The following ULK4 variants were observed in gnomAD, a reference collection of about 807,000 sequenced individuals.
ULK4 encodes the protein unc-51 like kinase 4.
Under a neutral mutation model 160.6 loss-of-function variants are expected in ULK4, and 133 were observed. The observed-to-expected ratio is 0.83, with a 90% confidence interval of 0.72 to 0.96. ULK4 has a LOEUF of 0.96. Ranked by LOEUF, ULK4 falls within the 40% of genes least tolerant of loss-of-function variation. The probability of loss-of-function intolerance (pLI) is 0.00; values close to 1 mark genes in which losing one functional copy is unlikely to be tolerated. For missense variants in ULK4, 1,580 were observed against 1,499.5 expected, an observed-to-expected ratio of 1.05 and a Z score of -0.89; for synonymous variants, 534 against 539.8, an observed-to-expected ratio of 0.99 and a Z score of 0.15.
intron 27 of ULK4, among the ~76,000 whole-genome samples, chr3:41,686,836 T>C (rs1260372864): frequency 6.6e-6 from 1 of 152,200 alleles, no homozygotes; most frequent in Non-Finnish European, 1.5e-5. Flanking sequence ...AGGAAAAATG[T>C]GTTCTTTTTA....
chr3:41,332,069 A>C (rs999942962), intron 35 of ULK4, among the ~76,000 whole-genome samples: 8 of 152,202 alleles, frequency 5.3e-5, no homozygotes, highest in African/African-American at 1.7e-4. Flanking sequence ...CCATTAATTA[A>C]ATTTAGATCT....
intron 17 of ULK4, among the ~76,000 whole-genome samples, chr3:41,862,483 G>A (rs901353525): frequency 2.6e-5 from 4 of 152,198 alleles, no homozygotes; most frequent in Admixed American, 2.6e-4. Context: ...TCTGGGCACT[G>A]AAGAGTTAGG....
At chr3:41,443,681 TG>T (rs1479648841) in intron 34 of ULK4, among the ~76,000 whole-genome samples, 3 of 152,154 alleles carry the variant, frequency 2.0e-5, no homozygotes, top group Admixed American at 2.0e-4. Flanking sequence ...ATGCAAAGAC[TG>T]TCTCTCTGCT....
intron 25 of ULK4, among the ~76,000 whole-genome samples, chr3:41,714,753 G>A (rs2037206342): frequency 6.6e-6 from 1 of 151,538 alleles, no homozygotes; most frequent in Non-Finnish European, 1.5e-5. Flanking sequence ...TGTGGGGGCT[G>A]GGTCAGGAGA....
At chr3:41,484,115 A>G in intron 32 of ULK4, among the ~76,000 whole-genome samples, 1 of 152,188 alleles carries the variant, frequency 6.6e-6, no homozygotes, top group Non-Finnish European at 1.5e-5. Context: ...TTTACCAAGA[A>G]GTCTTCAGCC....
At chr3:41,935,209 AT>A (rs10524611) in intron 4 of ULK4, among the ~76,000 whole-genome samples, 146 of 135,596 alleles carry the variant, frequency 1.1e-3, no homozygotes, top group African/African-American at 4.2e-3. Flanking sequence ...TTATTTATTT[AT>A]TTTTTTTTTT....
chr3:41,507,045 A>G (rs1464680052), intron 32 of ULK4, among the ~76,000 whole-genome samples: 1 of 150,172 alleles, frequency 6.7e-6, no homozygotes, highest in Admixed American at 6.6e-5. Flanking sequence ...CAGTTCATGT[A>G]CACCTGGTTA....
At chr3:41,474,021 A>G (rs966699159) in intron 32 of ULK4, among the ~76,000 whole-genome samples, 1 of 152,198 alleles carries the variant, frequency 6.6e-6, no homozygotes, top group African/African-American at 2.4e-5. Flanking sequence ...GAACCACAAA[A>G]TAAATTCATA....
chr3:41,618,039 T>A (rs192479479), intron 30 of ULK4, among the ~76,000 whole-genome samples: 2 of 151,966 alleles, frequency 1.3e-5, no homozygotes, highest in East Asian at 3.9e-4. Context: ...GGAAGATCAA[T>A]TTACTGAAAT....
Position 41,463,234 on chromosome 3 carries a change from A to G in ULK4, c.3246T>C (p.Cys1082=), listed in dbSNP as rs771115833. 2.5e-6 allele frequency: 4 copies of G among 1,613,350 alleles called. No homozygotes were observed. The South Asian group carries it at 4.4e-5, about 18-fold the overall frequency. Residue 1082 remains cysteine, a synonymous_variant, in exon 33 of 37, where the codon TGT becomes TGC. Coordinates refer to ENST00000301831, the MANE Select transcript of ULK4 (RefSeq NM_017886.4). ...LYEQGLVSHI[C]NLLTETATLC... ...GTGTGGCAGTTTCAGTGAGCAGGTT[A>G]CAGATGTGACTGACAAGTCCTGAGG...
At chr3:41,700,089 G>C (rs998857116) in intron 27 of ULK4, among the ~76,000 whole-genome samples, 6 of 152,132 alleles carry the variant, frequency 3.9e-5, no homozygotes, top group Admixed American at 3.9e-4. Flanking sequence ...TGACAAACAG[G>C]TTCCTAGTTA....
intron 30 of ULK4, among the ~76,000 whole-genome samples, chr3:41,642,044 T>A (rs1360032795): frequency 6.6e-6 from 1 of 151,858 alleles, no homozygotes; most frequent in Non-Finnish European, 1.5e-5. Flanking sequence ...TCTAGCTAAT[T>A]TTGTATTTCA....
At chr3:41,350,877 G>A (rs1012124552) in intron 35 of ULK4, among the ~76,000 whole-genome samples, 8 of 152,146 alleles carry the variant, frequency 5.3e-5, no homozygotes, top group Non-Finnish European at 1.2e-4. Flanking sequence ...CCAGCACAGG[G>A]AAGTTCACAA....
At chr3:41,847,077 C>T (rs566736175) in intron 17 of ULK4, among the ~76,000 whole-genome samples, 4 of 152,282 alleles carry the variant, frequency 2.6e-5, no homozygotes, top group African/African-American at 9.6e-5. Flanking sequence ...CCATTTTCCA[C>T]ACTACTTCTT....
intron 35 of ULK4, among the ~76,000 whole-genome samples, chr3:41,389,547 T>C (rs529988770): frequency 1.5e-4 from 23 of 152,352 alleles, no homozygotes; most frequent in African/African-American, 5.5e-4. Context: ...ATATGTCCCA[T>C]CAATACCTAA....
intron 5 of ULK4, among the ~76,000 whole-genome samples, chr3:41,922,891 G>A (rs561870881): frequency 6.6e-6 from 1 of 152,258 alleles, no homozygotes; most frequent in South Asian, 2.1e-4. Context: ...CCTGAACCAG[G>A]CCAGGTGCGG....
intron 35 of ULK4, among the ~76,000 whole-genome samples, chr3:41,250,239 T>C (rs746711813): frequency 6.6e-6 from 1 of 152,168 alleles, no homozygotes; most frequent in Non-Finnish European, 1.5e-5. Context: ...AGACCCTCCA[T>C]AAAATGAGTC....
At position 41,808,751 on chromosome 3, in the gene ULK4, C is replaced by T. The variant is rs371821460; in HGVS notation, c.1849-8458G>A. On this transcript the variant is annotated intron_variant, in intron 19 of 36. Transcript: ENST00000301831. The stretch of plus-strand genomic sequence containing the variant: ...TATAATTTTGGTCTACTTAGGCAGG[C>T]CGTTAGCCTTGCCTCTCATTTTTTT... Among the ~76,000 whole-genome samples, 8 of 152,300 alleles carry T rather than the reference C, an allele frequency of 5.3e-5. No homozygotes were observed. The South Asian group carries it at 8.3e-4, about 16-fold the overall frequency.
intron 32 of ULK4, among the ~76,000 whole-genome samples, chr3:41,494,315 C>A (rs879262368): frequency 0.022 from 2,452 of 113,426 alleles, 109 homozygotes; most frequent in African/African-American, 0.074. Context: ...ATAAACAGAA[C>A]CAAAGACAAA....
Sources: allele counts gnomAD v4.1 joint callset (sites outside exome capture counted in the v4.1 genomes callset), GRCh38; gene constraint gnomAD v4.1.1; transcripts MANE v1.5; gene names NCBI Gene and HGNC (gene_info 2026-07-23, HGNC 2026-07-21).